The following CDKN2B-AS1 variants were observed in gnomAD, a reference collection of about 807,000 sequenced individuals.
CDKN2B-AS1 encodes the protein CDKN2B and CDKN2A antisense cis and trans regulatory RNA 1.
At chr9:22,021,317 G>T (rs957361060) in intron 1 of CDKN2B-AS1, among the ~76,000 whole-genome samples, 6 of 151,900 alleles carry the variant, frequency 3.9e-5, no homozygotes, top group South Asian at 2.1e-4. Flanking sequence ...TGTTGTTTTG[G>T]TTGCTGTAGC....
At chr9:22,049,668 C>T (rs1003208277) in intron 3 of CDKN2B-AS1, among the ~76,000 whole-genome samples, 2 of 152,136 alleles carry the variant, frequency 1.3e-5, no homozygotes, top group Non-Finnish European at 2.9e-5. Flanking sequence ...GGATGACTCA[C>T]ATTAAGATCA....
At chr9:22,035,633 C>A (rs1822657387) in intron 1 of CDKN2B-AS1, among the ~76,000 whole-genome samples, 1 of 152,116 alleles carries the variant, frequency 6.6e-6, no homozygotes. Context: ...AATATATTGG[C>A]TGCTTCTCCG....
At chr9:22,052,283 C>T (rs146470668) in intron 3 of CDKN2B-AS1, among the ~76,000 whole-genome samples, 27 of 152,170 alleles carry the variant, frequency 1.8e-4, no homozygotes, top group Non-Finnish European at 1.8e-4. Flanking sequence ...CCTACATGGT[C>T]CCTAGAGCAT....
chr9:22,125,214 T>G (rs1166135425), intron 4 of CDKN2B-AS1, among the ~76,000 whole-genome samples: 38 of 152,226 alleles, frequency 2.5e-4, no homozygotes, highest in Non-Finnish European at 7.3e-5. Flanking sequence ...AAAGACACTG[T>G]TACTACTGAA....
rs759831199 is a variant in CDKN2B-AS1 at position 22,067,968 on chromosome 9, T to C, written n.438+11581T>C. 5.9e-5 allele frequency among the ~76,000 whole-genome samples: 9 copies of C among 152,330 alleles called. No homozygotes were observed. The South Asian group carries it at 1.9e-3, about 32-fold the overall frequency. On this transcript the variant is annotated intron_variant and non_coding_transcript_variant, in intron 4 of 4. Transcript: ENST00000650946. Reference sequence around the variant, plus strand: ...ATGCAAATATCCTGTTTCATCAATCTTTTGTTTTCTGACTCAAGATAACAA... The same window carrying C: ...ATGCAAATATCCTGTTTCATCAATCCTTTGTTTTCTGACTCAAGATAACAA...
At chr9:22,121,783 G>A (rs1826109258) in intron 4 of CDKN2B-AS1, among the ~76,000 whole-genome samples, 1 of 151,840 alleles carries the variant, frequency 6.6e-6, no homozygotes, top group Non-Finnish European at 1.5e-5. Flanking sequence ...TATTTTCTTT[G>A]TCCATTCCTT....
At chr9:22,041,855 G>C (rs1822910421) in intron 1 of CDKN2B-AS1, among the ~76,000 whole-genome samples, 1 of 152,020 alleles carries the variant, frequency 6.6e-6, no homozygotes, top group African/African-American at 2.4e-5. Context: ...GAGTGGCCTT[G>C]ATTCCTGTTC....
In CDKN2B-AS1 at chr9:22,005,429, T is replaced by TAAAGCGCCA; in HGVS notation, n.29+10276_29+10277insAAAAGCGCC. The TAAAGCGCCA allele has an allele frequency of 4.0e-6, 1 of 247,578 alleles. No homozygotes were observed. The highest frequency in any genetic ancestry group is 4.9e-5 in the Admixed American group (1 of 20,236). 15.3% of individuals were successfully genotyped at this position (247,578 alleles called of 1,614,324 possible). ...CATGTGACTTGCCATGCGCTCAAAC[T>TAAAGCGCCA]AAAGCGCCGCCGGGGACTTACTGAA... On this transcript the variant is annotated intron_variant and non_coding_transcript_variant, in intron 1 of 4. Coordinates refer to ENST00000650946, the Ensembl canonical transcript of CDKN2B-AS1. This position sits in a 1 kb window ranked among gnomAD's most constrained non-coding sequence, Gnocchi z 4.9.
chr9:21,999,080 A>G lies in CDKN2B-AS1; in HGVS notation n.29+3919A>G, dbSNP rs1391526848. 6.6e-6 allele frequency among the ~76,000 whole-genome samples: 1 copy of G among 152,164 alleles called. No homozygotes were observed. The highest frequency in any genetic ancestry group is 1.5e-5 in the Non-Finnish European group (1 of 68,006). On this transcript the variant is annotated intron_variant and non_coding_transcript_variant, in intron 1 of 4. Transcript: ENST00000650946. This position sits in a 1 kb window ranked among gnomAD's most constrained non-coding sequence, Gnocchi z 4.7. Reference sequence around the variant, plus strand: ...TAAATGTAAACAGAAACAATGGCATATAACCACAAGTGTGGCAAAAAGAAA... The same window carrying G: ...TAAATGTAAACAGAAACAATGGCATGTAACCACAAGTGTGGCAAAAAGAAA...
Position 22,009,395 on chromosome 9 carries a change from T to C in CDKN2B-AS1, n.29+14234T>C, listed in dbSNP as rs1158641425. 9.7e-6 allele frequency: 3 copies of C among 308,026 alleles called. No individual in the cohort carries two copies. The East Asian group carries it at 1.7e-4, about 17-fold the overall frequency. The allele number at this position is 308,026 out of a possible 1,614,324, so 19.1% of individuals were successfully genotyped here. On this transcript the variant is annotated intron_variant and non_coding_transcript_variant, in intron 1 of 4. Transcript: ENST00000650946. ...CTTAGGCTCCGCCCCCTGTCCGCTG[T>C]GATCGCCGGGAGGCCAGGCCCGGGC...
At chr9:22,023,755 C>G (rs752019363) in intron 1 of CDKN2B-AS1, among the ~76,000 whole-genome samples, 5 of 152,166 alleles carry the variant, frequency 3.3e-5, no homozygotes, top group Non-Finnish European at 5.9e-5. Context: ...CAAACCTACA[C>G]ATTTTTGTGG....
chr9:22,093,717 C>T (rs1825175727), intron 4 of CDKN2B-AS1, among the ~76,000 whole-genome samples: 1 of 143,718 alleles, frequency 7.0e-6, no homozygotes, highest in Non-Finnish European at 1.5e-5. Flanking sequence ...TGTGTTTCTG[C>T]ACATGAGATG....
chr9:22,013,013 A>G (rs1364378839), intron 1 of CDKN2B-AS1, among the ~76,000 whole-genome samples: 1 of 152,204 alleles, frequency 6.6e-6, no homozygotes, highest in Non-Finnish European at 1.5e-5. Flanking sequence ...ATTTTCTCAG[A>G]GTTTTAACTT....
chr9:22,020,299 A>AT (rs1385451809), intron 1 of CDKN2B-AS1, among the ~76,000 whole-genome samples: 3 of 152,028 alleles, frequency 2.0e-5, no homozygotes, highest in East Asian at 1.9e-4. Context: ...TGTTGATTCA[A>AT]TTTTTTTTGG....
chr9:22,089,822 A>G (rs1825005682), intron 4 of CDKN2B-AS1, among the ~76,000 whole-genome samples: 1 of 151,952 alleles, frequency 6.6e-6, no homozygotes. Flanking sequence ...TTTATAAATT[A>G]CTAAATTCTT....
At chr9:22,079,358 C>T (rs559838793) in intron 4 of CDKN2B-AS1, among the ~76,000 whole-genome samples, 8 of 151,976 alleles carry the variant, frequency 5.3e-5, no homozygotes, top group Admixed American at 1.3e-4. Context: ...CGTGGTGGCA[C>T]GTGCCTGTAG....
intron 4 of CDKN2B-AS1, among the ~76,000 whole-genome samples, chr9:22,078,862 A>T (rs1382334140): frequency 6.6e-6 from 1 of 152,182 alleles, no homozygotes; most frequent in Non-Finnish European, 1.5e-5. Context: ...TTATTTGCTT[A>T]AGAGAGGAGC....
chr9:22,083,347 G>T lies in CDKN2B-AS1; in HGVS notation n.438+26960G>T, dbSNP rs72652406. Among the ~76,000 whole-genome samples, 356 of 152,290 alleles carry T rather than the reference G, an allele frequency of 2.3e-3. 4 individuals carry two copies. Among genetic ancestry groups the T allele is most frequent in the Non-Finnish European group, 2.1e-3 (142 of 68,032 alleles). ...TGGGATGGAGTGCAGGGGATGCAGAGTGCCCACTTATGGAATGATTTCATT... is the reference window on the plus strand; with the variant it reads ...TGGGATGGAGTGCAGGGGATGCAGATTGCCCACTTATGGAATGATTTCATT... On this transcript the variant is annotated intron_variant and non_coding_transcript_variant, in intron 4 of 4. Transcript: ENST00000650946.
intron 4 of CDKN2B-AS1, among the ~76,000 whole-genome samples, chr9:22,076,532 G>A (rs1824499266): frequency 6.6e-6 from 1 of 151,978 alleles, no homozygotes; most frequent in Non-Finnish European, 1.5e-5. Context: ...ATACAACACG[G>A]TGCTATGGGT....
Sources: allele counts gnomAD v4.1 joint callset (sites outside exome capture counted in the v4.1 genomes callset), GRCh38; gene constraint gnomAD v4.1.1; non-coding constraint Gnocchi (gnomAD v3.1); transcripts MANE v1.5; gene names NCBI Gene and HGNC (gene_info 2026-07-23, HGNC 2026-07-21).